Variants in OTOF observed in about 807,000 individuals in gnomAD.
The protein encoded by OTOF is otoferlin.
OTOF carries 218 observed loss-of-function variants against 236.8 expected under a neutral mutation model. The observed-to-expected ratio is 0.92, with a 90% CI of 0.82 to 1.03. The LOEUF (loss-of-function observed/expected upper bound fraction) is 1.03, where lower values mean the gene tolerates loss of function less well. Ranked by LOEUF, OTOF falls within the 50% of genes least tolerant of loss-of-function variation. The probability of loss-of-function intolerance (pLI) is 0.00; values close to 1 mark genes in which losing one functional copy is unlikely to be tolerated. For missense variants in OTOF, 2,590 were observed against 2,694.4 expected, an observed-to-expected ratio of 0.96 and a Z score of 0.86; for synonymous variants, 1,041 against 1,072.5, an observed-to-expected ratio of 0.97 and a Z score of 0.57.
At chr2:26,536,069 G>A (rs1222511854) in intron 2 of OTOF, among the ~76,000 whole-genome samples, 1 of 152,136 alleles carries the variant, frequency 6.6e-6, no homozygotes, top group Non-Finnish European at 1.5e-5. Context: ...TAGGACTATG[G>A]GAAACTGGGC....
intron 1 of OTOF, among the ~76,000 whole-genome samples, chr2:26,556,042 G>C (rs1397647730): frequency 2.0e-5 from 3 of 152,154 alleles, no homozygotes; most frequent in African/African-American, 7.2e-5. Flanking sequence ...TCTTTCCTTA[G>C]TGTCTTGGAT....
chr2:26,536,980 A>T (rs4665874), intron 2 of OTOF, among the ~76,000 whole-genome samples: 3 of 151,852 alleles, frequency 2.0e-5, no homozygotes, highest in Non-Finnish European at 4.4e-5. Flanking sequence ...ACCGAGGGGA[A>T]GGGCAGGGAG....
intron 3 of OTOF, among the ~76,000 whole-genome samples, chr2:26,525,756 G>A (rs1380110347): frequency 6.6e-6 from 1 of 152,056 alleles, no homozygotes; most frequent in Non-Finnish European, 1.5e-5. Flanking sequence ...AAGAATGAAA[G>A]AATGGATGGA....
At chr2:26,552,569 T>C (rs1667488395) in intron 1 of OTOF, among the ~76,000 whole-genome samples, 1 of 152,198 alleles carries the variant, frequency 6.6e-6, no homozygotes, top group Admixed American at 6.5e-5. Context: ...ATCATTTCCA[T>C]TACATGAAAA....
At chr2:26,509,896 T>A (rs995199012) in intron 5 of OTOF, among the ~76,000 whole-genome samples, 4 of 152,178 alleles carry the variant, frequency 2.6e-5, no homozygotes, top group African/African-American at 9.7e-5. Flanking sequence ...GCCCCTGTTC[T>A]GAGACAGATT....
At chr2:26,517,333 G>T (rs1178528322) in intron 4 of OTOF, among the ~76,000 whole-genome samples, 1 of 152,114 alleles carries the variant, frequency 6.6e-6, no homozygotes, top group Non-Finnish European at 1.5e-5. Flanking sequence ...CCAGACAGGC[G>T]GCCCTCACTC....
chr2:26,482,624 G>T, intron 13 of OTOF, 32 bp from the exon 14 acceptor site: 1 of 1,596,296 alleles, frequency 6.3e-7, no homozygotes, highest in Non-Finnish European at 8.6e-7. Context: ...GTGAGGGCGT[G>T]GCATGTGTGT....
At chr2:26,524,895 G>A (rs908023745) in intron 3 of OTOF, among the ~76,000 whole-genome samples, 15 of 152,330 alleles carry the variant, frequency 9.8e-5, no homozygotes, top group Admixed American at 8.5e-4. Flanking sequence ...AAAGCTCCTG[G>A]ATGCTTTGGC....
chr2:26,554,165 CAAAAAAAAAAAA>C (rs34196608), intron 1 of OTOF, among the ~76,000 whole-genome samples: 2 of 79,594 alleles, frequency 2.5e-5, no homozygotes, highest in African/African-American at 1.0e-4. Flanking sequence ...GAGCGAGACT[CAAAAAAAAAAAA>C]AAAAAAAAAA....
Position 26,461,757 on chromosome 2 carries a change from G to T in OTOF, c.5472C>A (p.Ile1824=). Residue 1824 remains isoleucine (I), a synonymous_variant, in exon 43 of 47, where the codon ATC becomes ATA. Coordinates refer to ENST00000272371, the MANE Select transcript of OTOF (RefSeq NM_194248.3). This position sits in a 1 kb window ranked among gnomAD's most constrained non-coding sequence, Gnocchi z 6.2. ...AGATCTGCAGGGTGAGCCGCGCGGG[G>T]ATCTTGTACTCGGTCTCGTCCCAGG... ...MFSWDETEYK[I]PARLTLQIWD... 6.2e-7 allele frequency: 1 copy of T among 1,614,168 alleles called. No individual in the cohort carries two copies. Among genetic ancestry groups the T allele is most frequent in the Non-Finnish European group, 8.5e-7 (1 of 1,180,018 alleles).
At chr2:26,506,272 G>T (rs560267140) in intron 5 of OTOF, among the ~76,000 whole-genome samples, 15 of 152,218 alleles carry the variant, frequency 9.9e-5, no homozygotes, top group African/African-American at 3.4e-4. Context: ...AGGGCTCAGC[G>T]TTTGACTTTG....
At position 26,476,877 on chromosome 2, in the gene OTOF, G is replaced by GC; in HGVS notation, c.2676+13dup. On this transcript the variant is annotated intron_variant, in intron 22 of 46. Coordinates refer to ENST00000272371, the MANE Select transcript of OTOF (RefSeq NM_194248.3). The stretch of plus-strand genomic sequence containing the variant: ...AAGGACCCAGGCCCCCATCCATCCT[G>GC]CCCCCTCCAGCACCTTAAGGAAGAG... The GC allele has an allele frequency of 1.9e-6, 3 of 1,605,156 alleles. No individual in the cohort carries two copies. The highest frequency in any genetic ancestry group is 1.1e-5 in the South Asian group (1 of 91,026).
At position 26,501,905 on chromosome 2, in the gene OTOF, A is replaced by T. The variant is rs1206734099; in HGVS notation, c.711-97T>A. ...GTTAGACCTGGGAGTGGGCAGAGGG[A>T]CAGAATCATGGTCTTTAAACACTCA... On this transcript the variant is annotated intron_variant, in intron 7 of 46. Coordinates refer to ENST00000272371, the MANE Select transcript of OTOF (RefSeq NM_194248.3). 8.0e-6 allele frequency: 7 copies of T among 876,716 alleles called. No individual in the cohort carries two copies. In the African/African-American group the frequency reaches 1.1e-4, roughly 14 times the overall value. 54.3% of individuals were successfully genotyped at this position (876,716 alleles called of 1,614,324 possible).
chr2:26,462,098 T>A lies in OTOF; in HGVS notation c.5276A>T (p.Asp1759Val). ...DDFFTGEKSSDIFVRGWLKGQ... is the reference protein window; with the variant it reads ...DDFFTGEKSSVIFVRGWLKGQ... ...GCTCACCCACCCCCTCACGAAGATG[T>A]CACTGGACTTCTCCCCTGTGAAGAA... is the stretch of plus-strand genomic sequence containing the variant. Residue 1759 changes from aspartate (D) to valine (V), a missense_variant, in exon 42 of 47, where the codon GAC becomes GTC. By Grantham distance (152) the Asp-to-Val change is radical. Coordinates refer to ENST00000272371, the MANE Select transcript of OTOF (RefSeq NM_194248.3). This position sits in a 1 kb window ranked among gnomAD's most constrained non-coding sequence, Gnocchi z 4.7. 1 of 1,612,848 alleles carries A rather than the reference T, an allele frequency of 6.2e-7. No homozygotes were observed. Among genetic ancestry groups the A allele is most frequent in the Non-Finnish European group, 8.5e-7 (1 of 1,179,654 alleles).
intron 10 of OTOF, 59 bp from the exon 11 acceptor site, chr2:26,489,354 G>A: frequency 1.5e-6 from 2 of 1,313,282 alleles, no homozygotes; most frequent in South Asian, 1.2e-5. Flanking sequence ...CTTTCCATGG[G>A]GCAGTGGTGG....
rs569878962 is a variant in OTOF, at chr2:26,484,378, C to T, written c.1205+96G>A. 87 of 1,301,560 alleles carry T rather than the reference C, an allele frequency of 6.7e-5. 1 individual carries two copies. In the South Asian group the frequency reaches 8.4e-4, roughly 13 times the overall value. 80.6% of individuals were successfully genotyped at this position (1,301,560 alleles called of 1,614,324 possible). A position where few individuals can be genotyped will look rare whatever the true frequency, so the allele number is the denominator to read the frequency against. On this transcript the variant is annotated intron_variant, in intron 12 of 46. Transcript: ENST00000272371. ...GTGAGCGAGAGCAGGGTGAGGGAGA[C>T]GGGTGGCAGGTGCTCTCAGCAAACC...
In OTOF at chr2:26,462,532, T is replaced by G. The variant is rs182770121; in HGVS notation, c.5193-351A>C. Among the ~76,000 whole-genome samples, 1 of 152,356 alleles carries G rather than the reference T, an allele frequency of 6.6e-6. No homozygotes were observed. Among genetic ancestry groups the G allele is most frequent in the East Asian group, 1.9e-4 (1 of 5,188 alleles). ...CAAAGAGGATTTTCCCCTCAAGGTT[T>G]AATTGTAATTATGAATGATGTAGTT... On this transcript the variant is annotated intron_variant, in intron 41 of 46. Transcript: ENST00000272371. The surrounding 1 kb of genome is among the most constrained non-coding windows in gnomAD (Gnocchi z 4.7).
intron 18 of OTOF, among the ~76,000 whole-genome samples, chr2:26,478,513 C>G (rs1212494402): frequency 6.6e-6 from 1 of 152,064 alleles, no homozygotes; most frequent in Non-Finnish European, 1.5e-5. Flanking sequence ...TCCCTGCTTC[C>G]CCAGGCTGGG....
intron 8 of OTOF, among the ~76,000 whole-genome samples, chr2:26,499,667 T>C (rs1207034224): frequency 1.3e-5 from 2 of 152,014 alleles, no homozygotes; most frequent in African/African-American, 4.8e-5. Context: ...GCCACCACCA[T>C]GCCTGGCTAA....
Sources: gnomAD v4.1 joint callset for allele counts (sites outside exome capture counted in the v4.1 genomes callset) on GRCh38, gnomAD v4.1.1 for gene constraint, Gnocchi (gnomAD v3.1) non-coding constraint, MANE v1.5 for transcripts, NCBI Gene and HGNC (gene_info 2026-07-23, HGNC 2026-07-21) for gene names.